WDFY1: variants seen among roughly 807,000 people sequenced by gnomAD.
WDFY1 encodes the protein WD repeat and FYVE domain-containing protein 1.
In WDFY1, 32 loss-of-function variants were observed where a neutral mutation model predicts 56.4. That is an observed-to-expected ratio of 0.57 (90% CI 0.43 to 0.76). The LOEUF is 0.76. Ranked by LOEUF, WDFY1 falls within the 30% of genes least tolerant of loss-of-function variation. The pLI, the probability that WDFY1 is intolerant of heterozygous loss-of-function variation, is 0.00. For synonymous variants in WDFY1, 192 were observed against 197.3 expected, an observed-to-expected ratio of 0.97 and a Z score of 0.23; for missense variants, 480 against 545.7, an observed-to-expected ratio of 0.88 and a Z score of 1.20.
chr2:223,937,787 A>G (rs10191160), intron 1 of WDFY1, among the ~76,000 whole-genome samples: 19,815 of 152,322 alleles, frequency 0.13, 1,643 homozygotes, highest in Middle Eastern at 0.23. Flanking sequence ...ATTTTATAAC[A>G]CAAATTAAAG....
chr2:223,887,063 A>C (rs1456004326), intron 8 of WDFY1, among the ~76,000 whole-genome samples: 2 of 152,202 alleles, frequency 1.3e-5, no homozygotes, highest in Non-Finnish European at 2.9e-5. Context: ...GGAATGTTGG[A>C]GATGAGAAGG....
intron 8 of WDFY1, among the ~76,000 whole-genome samples, chr2:223,890,582 CTTA>C (rs1485640530): frequency 6.6e-6 from 1 of 152,146 alleles, no homozygotes; most frequent in African/African-American, 2.4e-5. Context: ...CATCCTTATA[CTTA>C]TTATCTAAGA....
chr2:223,941,565 T>A (rs1225293894), intron 1 of WDFY1, among the ~76,000 whole-genome samples: 1 of 152,130 alleles, frequency 6.6e-6, no homozygotes, highest in Non-Finnish European at 1.5e-5. Flanking sequence ...TCTTCCTGTG[T>A]CTTCCCAGCA....
At chr2:223,898,464 A>G (rs947870963) in intron 6 of WDFY1, among the ~76,000 whole-genome samples, 2 of 152,062 alleles carry the variant, frequency 1.3e-5, no homozygotes, top group African/African-American at 4.8e-5. Flanking sequence ...TAGTGCTGTA[A>G]TCTCGGCTCA....
At chr2:223,888,586 ATTTTTT>A (rs71058954) in intron 8 of WDFY1, among the ~76,000 whole-genome samples, 1 of 131,394 alleles carries the variant, frequency 7.6e-6, no homozygotes, top group African/African-American at 2.9e-5. Flanking sequence ...TAAATTCTCA[ATTTTTT>A]TTTTTTTTTT....
At chr2:223,943,555 T>C (rs144817109) in intron 1 of WDFY1, among the ~76,000 whole-genome samples, 4 of 152,306 alleles carry the variant, frequency 2.6e-5, no homozygotes, top group African/African-American at 4.8e-5. Context: ...TTTAAGAGAA[T>C]AGCAGTACCT....
intron 4 of WDFY1, among the ~76,000 whole-genome samples, chr2:223,903,728 G>A (rs1249193647): frequency 3.4e-5 from 5 of 146,758 alleles, no homozygotes; most frequent in African/African-American, 1.3e-4. Flanking sequence ...ATGGTTCATT[G>A]TAATCTCTAA....
At chr2:223,880,279 G>A in intron 10 of WDFY1, 47 bp from the exon 11 acceptor site, 1 of 1,559,774 alleles carries the variant, frequency 6.4e-7, no homozygotes, top group East Asian at 2.2e-5. Context: ...ACTGTACCTA[G>A]AGCTAGTGGG....
At chr2:223,937,836 G>A (rs1172117910) in intron 1 of WDFY1, among the ~76,000 whole-genome samples, 1 of 152,110 alleles carries the variant, frequency 6.6e-6, no homozygotes, top group East Asian at 1.9e-4. Context: ...AAATACAGCA[G>A]TTAACATCCT....
intron 2 of WDFY1, among the ~76,000 whole-genome samples, chr2:223,914,558 A>C (rs912191557): frequency 1.3e-5 from 2 of 152,208 alleles, no homozygotes; most frequent in South Asian, 4.1e-4. Flanking sequence ...AGTGCCACAG[A>C]GATTGGCCCA....
At chr2:223,885,488 C>A (rs1046121512) in intron 8 of WDFY1, among the ~76,000 whole-genome samples, 5 of 152,188 alleles carry the variant, frequency 3.3e-5, no homozygotes, top group Non-Finnish European at 5.9e-5. Flanking sequence ...CGAGCCACTG[C>A]GCCCAGCCTT....
intron 1 of WDFY1, among the ~76,000 whole-genome samples, chr2:223,941,669 T>C (rs1689307661): frequency 6.6e-6 from 1 of 152,044 alleles, no homozygotes; most frequent in Non-Finnish European, 1.5e-5. Context: ...CCCCCACAGG[T>C]CTAGCATGGG....
chr2:223,918,977 C>T (rs532964943), intron 1 of WDFY1, among the ~76,000 whole-genome samples: 7 of 152,304 alleles, frequency 4.6e-5, no homozygotes, highest in Non-Finnish European at 5.9e-5. Flanking sequence ...AAATGACAAA[C>T]GACCAAAATA....
intron 1 of WDFY1, among the ~76,000 whole-genome samples, chr2:223,944,572 T>G (rs904018862): frequency 6.8e-6 from 1 of 147,624 alleles, no homozygotes; most frequent in African/African-American, 2.5e-5. Context: ...TGGGGCGCAC[T>G]GGAACCGGGG....
At chr2:223,884,862 T>TTTA in intron 8 of WDFY1, 113 bp from the exon 9 acceptor site, 1 of 273,658 alleles carries the variant, frequency 3.7e-6, no homozygotes, top group South Asian at 3.2e-5. Context: ...TTTTCTTCTT[T>TTTA]TTTTTTTTTT....
intron 8 of WDFY1, 112 bp from the exon 9 acceptor site, chr2:223,884,861 T>TCTTC (rs1553535377): frequency 0.29 from 226,116 of 774,732 alleles, 24,224 homozygotes; most frequent in Admixed American, 0.32. Flanking sequence ...CTTTTCTTCT[T>TCTTC]TTTTTTTTTT....
chr2:223,923,595 A>G (rs1031407845), intron 1 of WDFY1, among the ~76,000 whole-genome samples: 4 of 152,106 alleles, frequency 2.6e-5, no homozygotes, highest in Non-Finnish European at 5.9e-5. Context: ...CCCTGTCTCT[A>G]CTAAAAATAC....
At chr2:223,890,428 T>C (rs1368561658) in intron 8 of WDFY1, among the ~76,000 whole-genome samples, 1 of 152,098 alleles carries the variant, frequency 6.6e-6, no homozygotes, top group Non-Finnish European at 1.5e-5. Flanking sequence ...CAAAAATATA[T>C]GCTTAAAAAA....
chr2:223,882,766 T>C (rs1420554996), intron 9 of WDFY1, among the ~76,000 whole-genome samples: 3 of 152,030 alleles, frequency 2.0e-5, no homozygotes, highest in Admixed American at 1.3e-4. Flanking sequence ...TTCTGTCACC[T>C]AGACTGGAAT....
Sources: allele counts gnomAD v4.1 joint callset (sites outside exome capture counted in the v4.1 genomes callset), GRCh38; gene constraint gnomAD v4.1.1; transcripts MANE v1.5; gene names NCBI Gene and HGNC (gene_info 2026-07-23, HGNC 2026-07-21).